PLCXD3: variants seen among roughly 807,000 people sequenced by gnomAD.
PLCXD3 encodes the protein phosphatidylinositol specific phospholipase C X domain containing 3, also known as PI-PLC X domain-containing protein 3.
PLCXD3 carries 19 observed loss-of-function variants against 25.5 expected under a neutral mutation model. The observed-to-expected ratio is 0.75, with a 90% confidence interval of 0.52 to 1.09. The LOEUF is 1.09. Ranked by LOEUF, PLCXD3 falls within the 50% of genes least tolerant of loss-of-function variation. The pLI is 0.00. For missense variants in PLCXD3, 411 were observed against 388.1 expected (o/e 1.06, Z -0.50); for synonymous variants, 174 against 137.6 (o/e 1.26, Z -1.85).
chr5:41,509,185 A>G (rs1738969063), intron 1 of PLCXD3, among the ~76,000 whole-genome samples: 1 of 152,036 alleles, frequency 6.6e-6, no homozygotes, highest in Non-Finnish European at 1.5e-5. Context: ...TTTCTTTATT[A>G]TGTTTTCCTC....
At chr5:41,503,392 G>C (rs952097966) in intron 1 of PLCXD3, among the ~76,000 whole-genome samples, 2 of 152,030 alleles carry the variant, frequency 1.3e-5, no homozygotes, top group South Asian at 2.1e-4. Flanking sequence ...ACATTAGCTC[G>C]CATTTAAGAT....
At chr5:41,426,383 A>G (rs1746957696) in intron 1 of PLCXD3, among the ~76,000 whole-genome samples, 1 of 151,880 alleles carries the variant, frequency 6.6e-6, no homozygotes, top group Non-Finnish European at 1.5e-5. Flanking sequence ...ATGCTTTCCA[A>G]TTGCCATATG....
At chr5:41,484,782 G>C (rs929745823) in intron 1 of PLCXD3, among the ~76,000 whole-genome samples, 30 of 152,056 alleles carry the variant, frequency 2.0e-4, no homozygotes, top group African/African-American at 7.2e-4. Flanking sequence ...TCCATCTACT[G>C]TCATGTTAAA....
At chr5:41,360,212 T>C (rs1462593429) in intron 2 of PLCXD3, among the ~76,000 whole-genome samples, 1 of 152,194 alleles carries the variant, frequency 6.6e-6, no homozygotes, top group Non-Finnish European at 1.5e-5. Context: ...TATTTATGCT[T>C]TCTATTTCAC....
At chr5:41,387,994 G>A (rs1031648940) in intron 1 of PLCXD3, among the ~76,000 whole-genome samples, 1 of 152,032 alleles carries the variant, frequency 6.6e-6, no homozygotes, top group African/African-American at 2.4e-5. Flanking sequence ...TAGACTAAAT[G>A]CAAAAGTAGC....
intron 1 of PLCXD3, among the ~76,000 whole-genome samples, chr5:41,392,825 C>T (rs1021440090): frequency 1.6e-4 from 24 of 152,004 alleles, no homozygotes; most frequent in Non-Finnish European, 2.1e-4. Context: ...AACACAGAGA[C>T]GAAATTCAGA....
In PLCXD3 at chr5:41,354,796, A is replaced by G. The variant is rs147519459; in HGVS notation, c.812+27030T>C. 4.6e-3 allele frequency among the ~76,000 whole-genome samples: 707 copies of G among 152,314 alleles called. 9 individuals carry two copies. The highest frequency in any genetic ancestry group is 0.016 in the African/African-American group (672 of 41,558). ...GTCTAAATCCAAATCTGATCATGTT[A>G]GTTCCCTGCATAAAATTCTTCAAAT... On this transcript the variant is annotated intron_variant, in intron 2 of 2. Transcript: ENST00000377801.
chr5:41,475,970 A>T (rs1748274600), intron 1 of PLCXD3, among the ~76,000 whole-genome samples: 1 of 152,208 alleles, frequency 6.6e-6, no homozygotes, highest in Admixed American at 6.5e-5. Context: ...AGCAAGAGCA[A>T]GGAGGAGGAG....
At chr5:41,452,799 C>T (rs576059198) in intron 1 of PLCXD3, among the ~76,000 whole-genome samples, 6 of 152,158 alleles carry the variant, frequency 3.9e-5, no homozygotes, top group Admixed American at 6.5e-5. Flanking sequence ...GAACACACTT[C>T]TGAGGCTCCC....
chr5:41,327,469 TATAA>T (rs1743666883), intron 2 of PLCXD3, among the ~76,000 whole-genome samples: 1 of 152,244 alleles, frequency 6.6e-6, no homozygotes, highest in African/African-American at 2.4e-5. Context: ...TTTCTTCACC[TATAA>T]ATAAAGAGCT....
At chr5:41,470,863 C>T (rs762320267) in intron 1 of PLCXD3, among the ~76,000 whole-genome samples, 24 of 152,136 alleles carry the variant, frequency 1.6e-4, no homozygotes, top group Admixed American at 8.5e-4. Context: ...CCTGATCTGC[C>T]GGCAGTGAGT....
At chr5:41,345,883 TTA>T (rs139168004) in intron 2 of PLCXD3, among the ~76,000 whole-genome samples, 35,479 of 146,026 alleles carry the variant, frequency 0.24, 3,469 homozygotes, top group African/African-American at 0.38. Flanking sequence ...TTTCTTTTTT[TTA>T]TTTTTTCTTT....
Position 41,308,108 on chromosome 5 carries a change from ATTATG to A in PLCXD3, c.*5504_*5508del, listed in dbSNP as rs1743045503. ...ACCAATGTTTTCTTTCTTGAAGGAC[ATTATG>A]ACTGCAGATATTCATAAGGTGTCTG... On this transcript the variant is annotated 3_prime_UTR_variant, in exon 3 of 3. Coordinates refer to ENST00000377801, the MANE Select transcript of PLCXD3 (RefSeq NM_001005473.3). The A allele has an allele frequency of 3.3e-5, 5 of 152,180 alleles. No homozygotes were observed. Among genetic ancestry groups the A allele is most frequent in the African/African-American group, 1.2e-4 (5 of 41,460 alleles). The allele number at this position is 152,180 out of a possible 1,614,324, so 9.4% of individuals were successfully genotyped here. A position where few individuals can be genotyped will look rare whatever the true frequency, so the allele number is the denominator to read the frequency against.
At chr5:41,386,991 G>A (rs532117263) in intron 1 of PLCXD3, among the ~76,000 whole-genome samples, 2 of 152,074 alleles carry the variant, frequency 1.3e-5, no homozygotes, top group African/African-American at 4.8e-5. Context: ...TTTAGTATAT[G>A]AGCCTTTATT....
At chr5:41,368,038 A>G (rs1580328831) in intron 2 of PLCXD3, among the ~76,000 whole-genome samples, 1 of 151,958 alleles carries the variant, frequency 6.6e-6, no homozygotes, top group Admixed American at 6.6e-5. Flanking sequence ...TGAATCTATA[A>G]ATTGCTTTGG....
At chr5:41,358,857 C>T (rs944141108) in intron 2 of PLCXD3, among the ~76,000 whole-genome samples, 4 of 152,248 alleles carry the variant, frequency 2.6e-5, no homozygotes, top group Non-Finnish European at 5.9e-5. Context: ...ATGGGTTTGT[C>T]ACACATGGCT....
At chr5:41,430,456 G>T (rs759751235) in intron 1 of PLCXD3, among the ~76,000 whole-genome samples, 15 of 152,288 alleles carry the variant, frequency 9.8e-5, no homozygotes, top group Admixed American at 2.0e-4. Context: ...TTGAAAATAG[G>T]TGTAGCTTGA....
intron 1 of PLCXD3, among the ~76,000 whole-genome samples, chr5:41,477,205 A>G (rs1464388252): frequency 4.6e-5 from 7 of 152,280 alleles, no homozygotes; most frequent in African/African-American, 1.7e-4. Context: ...TGGGAATAAT[A>G]TGTTACCCTA....
chr5:41,327,304 C>A (rs546773268), intron 2 of PLCXD3, among the ~76,000 whole-genome samples: 1 of 152,128 alleles, frequency 6.6e-6, no homozygotes, highest in African/African-American at 2.4e-5. Context: ...TTGGCCAGGT[C>A]GTTAAGGACT....
Sources: allele counts gnomAD v4.1 joint callset (sites outside exome capture counted in the v4.1 genomes callset), GRCh38; gene constraint gnomAD v4.1.1; transcripts MANE v1.5; gene names NCBI Gene and HGNC (gene_info 2026-07-23, HGNC 2026-07-21).